Variants in DKK3 observed in about 807,000 individuals in gnomAD.
DKK3 encodes the protein dickkopf Wnt signaling pathway inhibitor 3, also known as dickkopf-related protein 3.
DKK3 carries 22 observed loss-of-function variants against 33.2 expected under a neutral mutation model. The ratio of observed to expected loss-of-function variants is 0.66; its 90% CI spans 0.47 to 0.95. The LOEUF is 0.95. Among genes scored for constraint, DKK3 ranks in the 40% least tolerant of loss-of-function variants. The pLI, the probability that DKK3 is intolerant of heterozygous loss-of-function variation, is 0.00. For synonymous variants in DKK3, 194 were observed against 188.8 expected (o/e 1.03, Z -0.23); for missense variants, 398 against 458.4 (o/e 0.87, Z 1.20).
intron 3 of DKK3, among the ~76,000 whole-genome samples, chr11:11,970,652 G>A (rs1028518887): frequency 1.5e-4 from 23 of 152,198 alleles, no homozygotes; most frequent in African/African-American, 3.1e-4. Flanking sequence ...CCTACCTGAC[G>A]GAATCACAAG....
chr11:11,977,397 G>C (rs188520090), intron 3 of DKK3, among the ~76,000 whole-genome samples: 1 of 150,966 alleles, frequency 6.6e-6, no homozygotes, highest in Admixed American at 6.6e-5. Flanking sequence ...ATCTTGTCCT[G>C]CTGCCAGGCC....
At chr11:11,976,485 C>T (rs1847836500) in intron 3 of DKK3, among the ~76,000 whole-genome samples, 1 of 152,262 alleles carries the variant, frequency 6.6e-6, no homozygotes, top group African/African-American at 2.4e-5. Context: ...TGAGACAGTA[C>T]AATGAAGTCA....
At chr11:11,989,904 A>G (rs1048357156) in intron 3 of DKK3, among the ~76,000 whole-genome samples, 2 of 152,214 alleles carry the variant, frequency 1.3e-5, no homozygotes, top group African/African-American at 4.8e-5. Context: ...AATGGGGTCA[A>G]CTGGGTGTCT....
chr11:12,000,498 T>A (rs1433766674), intron 2 of DKK3, among the ~76,000 whole-genome samples: 2 of 147,986 alleles, frequency 1.4e-5, no homozygotes, highest in Non-Finnish European at 3.0e-5. Flanking sequence ...TAAGCCACCG[T>A]GCCTGGCCTT....
chr11:11,971,238 C>T (rs1046396051), intron 3 of DKK3, among the ~76,000 whole-genome samples: 1 of 152,132 alleles, frequency 6.6e-6, no homozygotes, highest in Non-Finnish European at 1.5e-5. Context: ...CCAGAGGGAA[C>T]TGATTATTGT....
At chr11:11,976,386 C>T (rs1399651368) in intron 3 of DKK3, among the ~76,000 whole-genome samples, 1 of 152,264 alleles carries the variant, frequency 6.6e-6, no homozygotes, top group Non-Finnish European at 1.5e-5. Flanking sequence ...GGGGGCTAGA[C>T]CCCTGAGCAT....
intron 3 of DKK3, among the ~76,000 whole-genome samples, chr11:11,982,263 T>C (rs939941107): frequency 1.4e-5 from 2 of 146,404 alleles, no homozygotes; most frequent in Non-Finnish European, 3.1e-5. Context: ...GTCTGGGGAA[T>C]CATAACAAGC....
intron 3 of DKK3, chr11:11,978,950 C>G (rs1847897175): frequency 2.0e-5 from 3 of 152,160 alleles, no homozygotes; most frequent in African/African-American, 4.8e-5. Context: ...AGTGCTGGAG[C>G]TGGGATGTGA....
chr11:12,009,281 G>A, upstream of DKK3: 2 of 984,058 alleles, frequency 2.0e-6, no homozygotes, highest in Non-Finnish European at 2.4e-6. Flanking sequence ...GCGGGCCGCG[G>A]GTGCGGGAGC....
chr11:12,009,145 C>T (rs1449016086), upstream of DKK3: 1 of 985,026 alleles, frequency 1.0e-6, no homozygotes, highest in Non-Finnish European at 1.2e-6. Flanking sequence ...AGAGTCGTCC[C>T]CTCCCCCGCC....
At chr11:12,003,116 C>A (rs1848464953) in intron 1 of DKK3, among the ~76,000 whole-genome samples, 1 of 152,226 alleles carries the variant, frequency 6.6e-6, no homozygotes, top group East Asian at 1.9e-4. Flanking sequence ...GATTGTCTTT[C>A]TTTTCTTTCA....
At chr11:11,976,428 G>A (rs1448921528) in intron 3 of DKK3, among the ~76,000 whole-genome samples, 3 of 152,252 alleles carry the variant, frequency 2.0e-5, no homozygotes, top group African/African-American at 2.4e-5. Context: ...ACACTATCCT[G>A]TCTTCCACAG....
Position 11,990,574 on chromosome 11 carries a change from A to G in DKK3, c.435+8122T>C, listed in dbSNP as rs868754774. Among the ~76,000 whole-genome samples the G allele has an allele frequency of 1.6e-4, 25 of 152,316 alleles. No individual in the cohort carries two copies. The Middle Eastern group carries it at 0.01, about 62-fold the overall frequency. ...CAGTATACAGTACAGGACATGGTAA[A>G]GCACTGCAGATGCAGGATATGTTCC... On this transcript the variant is annotated intron_variant, in intron 3 of 6. Coordinates refer to ENST00000683431, the MANE Select transcript of DKK3 (RefSeq NM_001018057.2).
At chr11:12,008,828 C>G (rs1848600319), upstream of DKK3, 3 of 1,168,946 alleles carry the variant, frequency 2.6e-6, no homozygotes, top group Non-Finnish European at 3.2e-6. The surrounding 1 kb of genome is among the most constrained non-coding windows in gnomAD (Gnocchi z 4.6). Flanking sequence ...CCCAGGACCC[C>G]GCACCCCCAT....
At chr11:12,008,719 C>G (rs1848598081), upstream of DKK3, 3 of 1,210,054 alleles carry the variant, frequency 2.5e-6, no homozygotes, top group East Asian at 7.1e-5. This position sits in a 1 kb window ranked among gnomAD's most constrained non-coding sequence, Gnocchi z 4.6. Flanking sequence ...CTTTCCCGCA[C>G]CCGCCCGGAG....
At chr11:11,967,231 T>C in intron 4 of DKK3, 133 bp from the exon 5 acceptor site, 1 of 1,184,572 alleles carries the variant, frequency 8.4e-7, no homozygotes. Context: ...CAGGCTGAGA[T>C]TTCAGTGAAA....
Position 11,964,183 on chromosome 11 carries a change from G to A in DKK3, c.*281C>T. ...AGCCATGTAGAACAAACGGCTGTCT[G>A]CCAACTGGTAGAGGCAAAGCAGCCA... On this transcript the variant is annotated 3_prime_UTR_variant, in exon 7 of 7. Coordinates refer to ENST00000683431, the MANE Select transcript of DKK3 (RefSeq NM_001018057.2). 1 of 441,962 alleles carries A rather than the reference G, an allele frequency of 2.3e-6. No homozygotes were observed. Among genetic ancestry groups the A allele is most frequent in the East Asian group, 3.7e-5 (1 of 26,816 alleles). 27.4% of individuals were successfully genotyped at this position (441,962 alleles called of 1,614,324 possible).
rs532956763 is a variant in DKK3 at position 11,966,881 on chromosome 11, C to T, written c.673+73G>A. ...CGCGAAACCATGTGGTTGGCATGGA[C>T]GTGGCTCCAGGAGGTCCAGTGTGGT... is the stretch of plus-strand genomic sequence containing the variant. On this transcript the variant is annotated intron_variant, in intron 5 of 6. Coordinates refer to ENST00000683431, the MANE Select transcript of DKK3 (RefSeq NM_001018057.2). 3.8e-5 allele frequency: 60 copies of T among 1,573,846 alleles called. No individual in the cohort carries two copies. The East Asian group carries it at 5.6e-4, about 15-fold the overall frequency.
At chr11:11,995,554 G>A (rs1018418116) in intron 3 of DKK3, among the ~76,000 whole-genome samples, 1 of 152,230 alleles carries the variant, frequency 6.6e-6, no homozygotes, top group Non-Finnish European at 1.5e-5. Context: ...GTAGCTGCGA[G>A]TTGGATTTTA....
Sources: allele counts gnomAD v4.1 joint callset (sites outside exome capture counted in the v4.1 genomes callset), GRCh38; gene constraint gnomAD v4.1.1; non-coding constraint Gnocchi (gnomAD v3.1); transcripts MANE v1.5; gene names NCBI Gene and HGNC (gene_info 2026-07-23, HGNC 2026-07-21).